Variants in AGBL4 observed in about 807,000 individuals in gnomAD.
AGBL4 encodes cytosolic carboxypeptidase 6.
AGBL4 carries 58 observed loss-of-function variants against 66.4 expected under a neutral mutation model. The ratio of observed to expected loss-of-function variants is 0.87; its 90% CI spans 0.71 to 1.09. AGBL4 has a LOEUF of 1.09. AGBL4 is among the 50% of genes least tolerant of loss of function. The probability of loss-of-function intolerance (pLI) is 0.00; values close to 1 mark genes in which losing one functional copy is unlikely to be tolerated. For missense variants in AGBL4, 579 were observed against 631.0 expected (o/e 0.92, Z 0.88); for synonymous variants, 234 against 222.9 (o/e 1.05, Z -0.44).
intron 2 of AGBL4, among the ~76,000 whole-genome samples, chr1:49,828,074 A>C (rs1645557814): frequency 6.6e-6 from 1 of 151,956 alleles, no homozygotes; most frequent in African/African-American, 2.4e-5. Flanking sequence ...CTTTCATTAG[A>C]TTCTTATGAA....
intron 5 of AGBL4, among the ~76,000 whole-genome samples, chr1:48,904,270 A>C (rs1652371601): frequency 6.6e-6 from 1 of 152,178 alleles, no homozygotes; most frequent in Non-Finnish European, 1.5e-5. Context: ...GAGAGACTCC[A>C]TCTCAAGGAA....
chr1:48,535,742 C>T (rs895459619), intron 12 of AGBL4, among the ~76,000 whole-genome samples: 75 of 152,078 alleles, frequency 4.9e-4, no homozygotes, highest in African/African-American at 1.6e-3. Flanking sequence ...AATGCCACTT[C>T]TTCTCTGAAG....
chr1:49,830,022 G>C lies in AGBL4; in HGVS notation c.157+21374C>G, dbSNP rs534635072. On this transcript the variant is annotated intron_variant, in intron 2 of 13. Transcript: ENST00000371839. Reference sequence around the variant, plus strand: ...TTCTTTATCCAGCCTATCATTAGTGGGCATTTGGGTTAGTTCCAAGTCTTT... The same window carrying C: ...TTCTTTATCCAGCCTATCATTAGTGCGCATTTGGGTTAGTTCCAAGTCTTT... Among the ~76,000 whole-genome samples, 229 of 152,240 alleles carry C rather than the reference G, an allele frequency of 1.5e-3. 1 individual carries two copies. Among genetic ancestry groups the C allele is most frequent in the Non-Finnish European group, 1.7e-3 (119 of 68,028 alleles).
At chr1:49,991,990 A>T (rs1357882302) in intron 1 of AGBL4, among the ~76,000 whole-genome samples, 1 of 152,240 alleles carries the variant, frequency 6.6e-6, no homozygotes, top group Non-Finnish European at 1.5e-5. Context: ...TATAAGGCAT[A>T]TAAAGTACCT....
chr1:49,153,203 T>C (rs1019948492), intron 4 of AGBL4, among the ~76,000 whole-genome samples: 2 of 152,142 alleles, frequency 1.3e-5, no homozygotes, highest in Admixed American at 6.6e-5. Context: ...AATTTTGGAC[T>C]GACATAGGGA....
At position 49,841,179 on chromosome 1, in the gene AGBL4, T is replaced by C. The variant is rs555277600; in HGVS notation, c.157+10217A>G. Among the ~76,000 whole-genome samples, 3 of 152,244 alleles carry C rather than the reference T, an allele frequency of 2.0e-5. No individual in the cohort carries two copies. In the South Asian group the frequency reaches 6.2e-4, roughly 32 times the overall value. ...GTTTCACAATATCAACATACAAAAA[T>C]CAGTAGCATCTCTATAAACCAATAA... On this transcript the variant is annotated intron_variant, in intron 2 of 13. Coordinates refer to ENST00000371839, the MANE Select transcript of AGBL4 (RefSeq NM_032785.4).
chr1:48,808,581 T>C (rs57570409), intron 6 of AGBL4, among the ~76,000 whole-genome samples: 3,840 of 152,246 alleles, frequency 0.025, 143 homozygotes, highest in African/African-American at 0.088. Flanking sequence ...AACCAATTTT[T>C]TTTGCCCAGA....
intron 2 of AGBL4, among the ~76,000 whole-genome samples, chr1:49,741,781 C>T (rs1422459333): frequency 6.6e-6 from 1 of 152,170 alleles, no homozygotes; most frequent in Non-Finnish European, 1.5e-5. Context: ...AGCATATAAA[C>T]AGAACCAAAG....
chr1:49,676,463 T>C (rs1272387427), intron 3 of AGBL4, among the ~76,000 whole-genome samples: 4 of 152,072 alleles, frequency 2.6e-5, no homozygotes, highest in Non-Finnish European at 5.9e-5. Context: ...TCATTTGGCA[T>C]TGAAAAGGCT....
chr1:49,237,184 A>G (rs1176121739), intron 4 of AGBL4, among the ~76,000 whole-genome samples: 1 of 151,646 alleles, frequency 6.6e-6, no homozygotes, highest in African/African-American at 2.4e-5. Context: ...AATGGAGTGA[A>G]CCTGGGAGGT....
intron 3 of AGBL4, among the ~76,000 whole-genome samples, chr1:49,678,806 T>C (rs1646630780): frequency 6.6e-6 from 1 of 152,150 alleles, no homozygotes; most frequent in South Asian, 2.1e-4. Flanking sequence ...CCATTCACTG[T>C]GATCAAAAAA....
At chr1:49,654,460 T>C (rs1471468862) in intron 3 of AGBL4, among the ~76,000 whole-genome samples, 2 of 152,192 alleles carry the variant, frequency 1.3e-5, no homozygotes, top group Non-Finnish European at 2.9e-5. Flanking sequence ...CAGAGCTGAA[T>C]TCAATTCCTG....
intron 6 of AGBL4, among the ~76,000 whole-genome samples, chr1:48,687,442 C>A (rs932440563): frequency 9.9e-5 from 15 of 152,160 alleles, no homozygotes; most frequent in African/African-American, 3.6e-4. Flanking sequence ...TGCTGCGGCA[C>A]CCCCACAGGC....
At chr1:48,594,010 T>G (rs1644957628) in intron 9 of AGBL4, among the ~76,000 whole-genome samples, 2 of 152,144 alleles carry the variant, frequency 1.3e-5, no homozygotes, top group African/African-American at 4.8e-5. Context: ...ACTGTATAGT[T>G]AAGAATCTTT....
intron 3 of AGBL4, among the ~76,000 whole-genome samples, chr1:49,524,595 G>A (rs1006865746): frequency 1.3e-5 from 2 of 152,062 alleles, no homozygotes; most frequent in African/African-American, 4.8e-5. Context: ...TAAATAAGGA[G>A]TCCACATGGT....
intron 3 of AGBL4, among the ~76,000 whole-genome samples, chr1:49,636,928 A>T (rs1645684284): frequency 6.6e-6 from 1 of 152,248 alleles, no homozygotes; most frequent in African/African-American, 2.4e-5. Context: ...CATTTGAGTC[A>T]GTGGGCTGGG....
chr1:49,779,758 T>C (rs1339956509), intron 2 of AGBL4, among the ~76,000 whole-genome samples: 2 of 152,110 alleles, frequency 1.3e-5, no homozygotes, highest in African/African-American at 2.4e-5. Flanking sequence ...ATCCTTATAA[T>C]TGCCTGTAGT....
chr1:49,391,446 A>G (rs1373537305), intron 3 of AGBL4, among the ~76,000 whole-genome samples: 1 of 152,218 alleles, frequency 6.6e-6, no homozygotes, highest in African/African-American at 2.4e-5. Context: ...GCCTGAAGTG[A>G]ACAAAGACAG....
At chr1:48,727,808 C>A in intron 6 of AGBL4, 1 of 1,400,044 alleles carries the variant, frequency 7.1e-7, no homozygotes, top group Admixed American at 1.8e-5. Flanking sequence ...ACGGTGGGGT[C>A]TGATTTGGAC....
Sources: gnomAD v4.1 joint callset for allele counts (sites outside exome capture counted in the v4.1 genomes callset) on GRCh38, gnomAD v4.1.1 for gene constraint, MANE v1.5 for transcripts, NCBI Gene and HGNC (gene_info 2026-07-23, HGNC 2026-07-21) for gene names.